MDFIC: variants seen among roughly 807,000 people sequenced by gnomAD.
MDFIC encodes the protein myoD family inhibitor domain-containing protein.
MDFIC carries 17 observed loss-of-function variants against 23.2 expected under a neutral mutation model. That is an observed-to-expected ratio of 0.73 (90% CI 0.50 to 1.10). MDFIC has a LOEUF of 1.10. Among genes scored for constraint, MDFIC ranks in the 50% least tolerant of loss-of-function variants. The pLI is 0.00. For synonymous variants in MDFIC, 120 were observed against 115.2 expected (o/e 1.04, Z -0.27); for missense variants, 356 against 316.6 (o/e 1.12, Z -0.95).
At chr7:114,998,052 A>G (rs2116064732) in intron 4 of MDFIC, among the ~76,000 whole-genome samples, 1 of 152,324 alleles carries the variant, frequency 6.6e-6, no homozygotes, top group Middle Eastern at 3.4e-3. Flanking sequence ...AAAAGTTTCC[A>G]TTGATTTTAG....
intron 3 of MDFIC, among the ~76,000 whole-genome samples, chr7:114,978,113 C>A (rs1355758459): frequency 6.6e-6 from 1 of 151,408 alleles, no homozygotes; most frequent in East Asian, 1.9e-4. Context: ...ATATGAGTCC[C>A]ATATTTGGGG....
intron 3 of MDFIC, among the ~76,000 whole-genome samples, chr7:114,943,599 A>T (rs1792589592): frequency 6.6e-6 from 1 of 152,200 alleles, no homozygotes; most frequent in African/African-American, 2.4e-5. Context: ...TATCCAAAGA[A>T]TCATATAAAC....
At chr7:114,928,882 T>C (rs1792249381) in intron 2 of MDFIC, among the ~76,000 whole-genome samples, 1 of 152,014 alleles carries the variant, frequency 6.6e-6, no homozygotes, top group Non-Finnish European at 1.5e-5. Flanking sequence ...ATTGAGGAAA[T>C]TGATTTAAAA....
At chr7:114,938,044 C>G (rs1295065109) in intron 2 of MDFIC, among the ~76,000 whole-genome samples, 1 of 152,174 alleles carries the variant, frequency 6.6e-6, no homozygotes, top group Non-Finnish European at 1.5e-5. Flanking sequence ...CAACCTCTGT[C>G]TTCCCGGATT....
intron 3 of MDFIC, among the ~76,000 whole-genome samples, chr7:114,971,932 T>C (rs1489550074): frequency 6.6e-6 from 1 of 151,718 alleles, no homozygotes; most frequent in African/African-American, 2.4e-5. Context: ...TTTGGGCTGA[T>C]TTACAGAAAA....
intron 3 of MDFIC, among the ~76,000 whole-genome samples, chr7:114,970,631 T>C (rs1793188004): frequency 6.6e-6 from 1 of 152,184 alleles, no homozygotes; most frequent in South Asian, 2.1e-4. Context: ...TCCTTGTGAA[T>C]GAATGATCTG....
chr7:114,954,223 A>G (rs928618279), intron 3 of MDFIC, among the ~76,000 whole-genome samples: 2 of 152,124 alleles, frequency 1.3e-5, no homozygotes, highest in Non-Finnish European at 2.9e-5. Flanking sequence ...TCACATTCTC[A>G]TTTCTCCCTG....
At chr7:114,932,218 T>C (rs1195931748) in intron 2 of MDFIC, among the ~76,000 whole-genome samples, 4 of 152,242 alleles carry the variant, frequency 2.6e-5, no homozygotes, top group Non-Finnish European at 5.9e-5. Flanking sequence ...AAAATGGATA[T>C]AATTCATACT....
chr7:114,964,573 C>A (rs1793060554), intron 3 of MDFIC, among the ~76,000 whole-genome samples: 1 of 149,942 alleles, frequency 6.7e-6, no homozygotes, highest in South Asian at 2.2e-4. Flanking sequence ...CCCCTTCCGA[C>A]AGAACATCAC....
intron 4 of MDFIC, among the ~76,000 whole-genome samples, chr7:114,987,406 G>A (rs1331266773): frequency 6.6e-6 from 1 of 152,174 alleles, no homozygotes; most frequent in African/African-American, 2.4e-5. Context: ...TGACCATAAA[G>A]TTATAATCAG....
At chr7:114,983,623 G>A (rs933223202) in intron 4 of MDFIC, among the ~76,000 whole-genome samples, 4 of 143,230 alleles carry the variant, frequency 2.8e-5, no homozygotes, top group African/African-American at 1.0e-4. Flanking sequence ...GCTGGAGTGC[G>A]ATGGTGCGAT....
chr7:115,014,784 A>G (rs1189029668), intron 4 of MDFIC, among the ~76,000 whole-genome samples: 1 of 152,194 alleles, frequency 6.6e-6, no homozygotes, highest in Non-Finnish European at 1.5e-5. Context: ...TACCCCTCTC[A>G]CTTGCCCCAG....
intron 4 of MDFIC, among the ~76,000 whole-genome samples, chr7:114,995,463 C>T (rs1791303307): frequency 1.3e-5 from 2 of 152,134 alleles, no homozygotes; most frequent in South Asian, 4.1e-4. Flanking sequence ...GTTTTCCCCC[C>T]ATCTTTGTGG....
Position 114,922,549 on chromosome 7 carries a change from C to A in MDFIC, c.-195C>A. 7.9e-7 allele frequency: 1 copy of A among 1,266,380 alleles called. No individual in the cohort carries two copies. Among genetic ancestry groups the A allele is most frequent in the Non-Finnish European group, 1.0e-6 (1 of 999,552 alleles). The allele number at this position is 1,266,380 out of a possible 1,614,324, so 78.4% of individuals were successfully genotyped here. A position where few individuals can be genotyped will look rare whatever the true frequency, so the allele number is the denominator to read the frequency against. On this transcript the variant is annotated 5_prime_UTR_variant, in exon 1 of 5. Transcript: ENST00000393486. ...CAGGCCACCGGGGCGAAAATGCGGC[C>A]GCTGCCGGAGGCTCGCTAACTTTCC...
At chr7:114,981,512 C>T (rs1184909044) in intron 4 of MDFIC, among the ~76,000 whole-genome samples, 1 of 152,090 alleles carries the variant, frequency 6.6e-6, no homozygotes, top group Non-Finnish European at 1.5e-5. Flanking sequence ...TTTTCTTTCT[C>T]TTCTCTCATG....
At chr7:115,012,623 A>G (rs952114234) in intron 4 of MDFIC, among the ~76,000 whole-genome samples, 2 of 152,138 alleles carry the variant, frequency 1.3e-5, no homozygotes, top group Non-Finnish European at 2.9e-5. Flanking sequence ...TCAAACTGCA[A>G]TGTTAAGAAC....
intron 4 of MDFIC, among the ~76,000 whole-genome samples, chr7:115,008,686 C>T (rs1396394172): frequency 6.6e-6 from 1 of 152,214 alleles, no homozygotes; most frequent in Non-Finnish European, 1.5e-5. Flanking sequence ...CGCCCCTACA[C>T]ACACTTGAGG....
chr7:114,925,432 G>T (rs1013253036), intron 2 of MDFIC, among the ~76,000 whole-genome samples: 1 of 152,128 alleles, frequency 6.6e-6, no homozygotes, highest in Non-Finnish European at 1.5e-5. Flanking sequence ...AATTAGAAAG[G>T]TTGTCCATAT....
chr7:114,990,701 G>C (rs1392824145), intron 4 of MDFIC, among the ~76,000 whole-genome samples: 1 of 152,182 alleles, frequency 6.6e-6, no homozygotes, highest in Non-Finnish European at 1.5e-5. Flanking sequence ...TGGCTGCATA[G>C]TATTCCATGG....
Sources: allele counts gnomAD v4.1 joint callset (sites outside exome capture counted in the v4.1 genomes callset), GRCh38; gene constraint gnomAD v4.1.1; transcripts MANE v1.5; gene names NCBI Gene and HGNC (gene_info 2026-07-23, HGNC 2026-07-21).